Variants in SLC16A7 observed in about 807,000 individuals in gnomAD.
SLC16A7 encodes monocarboxylate transporter 2.
Under a neutral mutation model 34.9 loss-of-function variants are expected in SLC16A7, and 33 were observed. The observed-to-expected ratio is 0.94, with a 90% CI of 0.72 to 1.26. The LOEUF (loss-of-function observed/expected upper bound fraction) is 1.26, where lower values mean the gene tolerates loss of function less well. SLC16A7 is among the 50% of genes most tolerant of loss of function. SLC16A7 has a pLI of 0.00. For missense variants in SLC16A7, 573 were observed against 578.1 expected, an observed-to-expected ratio of 0.99 and a Z score of 0.09; for synonymous variants, 201 against 206.6, an observed-to-expected ratio of 0.97 and a Z score of 0.23.
intron 1 of SLC16A7, among the ~76,000 whole-genome samples, chr12:59,612,005 G>A (rs1051525795): frequency 6.6e-6 from 1 of 152,220 alleles, no homozygotes; most frequent in Admixed American, 6.5e-5. Context: ...GGTGCAAGCT[G>A]TCAGTGGATC....
chr12:59,744,256 C>T (rs1344420995), intron 3 of SLC16A7, among the ~76,000 whole-genome samples: 2 of 152,088 alleles, frequency 1.3e-5, no homozygotes, highest in African/African-American at 4.8e-5. Context: ...CCCCACCCAG[C>T]ACCCCCATCC....
chr12:59,663,115 C>T (rs1014275831), intron 2 of SLC16A7, among the ~76,000 whole-genome samples: 22 of 151,894 alleles, frequency 1.4e-4, no homozygotes, highest in African/African-American at 5.3e-4. Context: ...ATTCAAATTC[C>T]TGTCAATTTT....
Position 59,780,822 on chromosome 12 carries a change from C to T in SLC16A7, c.*1143C>T, listed in dbSNP as rs1051378539. On this transcript the variant is annotated 3_prime_UTR_variant, in exon 6 of 6. Transcript: ENST00000547379. The stretch of plus-strand genomic sequence containing the variant: ...GTGGTTTTAATGAACCCTCTAAGCT[C>T]TCTCAGTTCCTTCCCTTCCACAAAA... The T allele has an allele frequency of 1.3e-5, 2 of 152,150 alleles. No homozygotes were observed. The highest frequency in any genetic ancestry group is 1.3e-4 in the Admixed American group (2 of 15,248). The allele number at this position is 152,150 out of a possible 1,614,324, so 9.4% of individuals were successfully genotyped here.
chr12:59,747,673 G>A (rs973167908), intron 3 of SLC16A7, among the ~76,000 whole-genome samples: 1 of 152,194 alleles, frequency 6.6e-6, no homozygotes, highest in African/African-American at 2.4e-5. Context: ...TCCATTTGCA[G>A]ACTCTAACCA....
chr12:59,783,829 T>C lies in SLC16A7; in HGVS notation c.*4150T>C, dbSNP rs1340826944. ...ACCATGCCCGGCTAATTTTGTGGCT[T>C]TTTTTGTTTTGTTTTGTTTTGTTTT... is the stretch of plus-strand genomic sequence containing the variant. On this transcript the variant is annotated 3_prime_UTR_variant, in exon 6 of 6. Transcript: ENST00000547379. 1 of 152,252 alleles carries C rather than the reference T, an allele frequency of 6.6e-6. No homozygotes were observed. The highest frequency in any genetic ancestry group is 6.6e-5 in the Admixed American group (1 of 15,262). 9.4% of individuals were successfully genotyped at this position (152,252 alleles called of 1,614,324 possible). A position where few individuals can be genotyped will look rare whatever the true frequency, so the allele number is the denominator to read the frequency against.
chr12:59,740,455 G>C (rs994950113), intron 3 of SLC16A7, among the ~76,000 whole-genome samples: 20 of 152,268 alleles, frequency 1.3e-4, no homozygotes, highest in East Asian at 3.9e-4. Context: ...TAGCCTTGTA[G>C]TATAGTTTGA....
intron 3 of SLC16A7, among the ~76,000 whole-genome samples, chr12:59,738,102 T>C (rs1212277545): frequency 2.6e-5 from 4 of 152,118 alleles, no homozygotes; most frequent in Non-Finnish European, 5.9e-5. Context: ...ATTGTACTTA[T>C]AAAAAATGTA....
intron 2 of SLC16A7, among the ~76,000 whole-genome samples, chr12:59,674,070 C>T (rs1248469512): frequency 6.6e-6 from 1 of 152,116 alleles, no homozygotes; most frequent in African/African-American, 2.4e-5. Context: ...TCCCTAATAA[C>T]CTAAACCTTA....
chr12:59,775,591 T>C, intron 5 of SLC16A7, 116 bp downstream of exon 5: 2 of 702,860 alleles, frequency 2.8e-6, no homozygotes, highest in South Asian at 4.4e-5. Context: ...CCTGAAGGAA[T>C]ATGGGCAGGT....
At chr12:59,660,256 A>G (rs1868773040) in intron 2 of SLC16A7, among the ~76,000 whole-genome samples, 1 of 152,068 alleles carries the variant, frequency 6.6e-6, no homozygotes. Flanking sequence ...GGCCTTTCAC[A>G]ATGCCAGTCC....
At chr12:59,710,004 T>A (rs1404963976) in intron 3 of SLC16A7, among the ~76,000 whole-genome samples, 1 of 151,676 alleles carries the variant, frequency 6.6e-6, no homozygotes, top group Non-Finnish European at 1.5e-5. Flanking sequence ...ATTACAAACA[T>A]GAGGGCTTGG....
intron 4 of SLC16A7, 110 bp from the exon 5 acceptor site, chr12:59,774,547 C>T (rs191000005): frequency 3.5e-5 from 22 of 625,334 alleles, no homozygotes; most frequent in Admixed American, 2.3e-4. Context: ...TATGATATTG[C>T]GTTTTTAATT....
At chr12:59,639,118 A>C (rs1880559909) in intron 1 of SLC16A7, among the ~76,000 whole-genome samples, 1 of 152,114 alleles carries the variant, frequency 6.6e-6, no homozygotes, top group South Asian at 2.1e-4. Context: ...TGTTACCATC[A>C]TTCTTTGGCT....
chr12:59,673,272 G>T (rs1360840425), intron 2 of SLC16A7, among the ~76,000 whole-genome samples: 1 of 151,954 alleles, frequency 6.6e-6, no homozygotes, highest in East Asian at 1.9e-4. Flanking sequence ...TTGATGAATT[G>T]GTTTTGGCAT....
chr12:59,622,735 A>G (rs530618167), intron 1 of SLC16A7, among the ~76,000 whole-genome samples: 1 of 151,942 alleles, frequency 6.6e-6, no homozygotes, highest in South Asian at 2.1e-4. Flanking sequence ...TTTATATTTG[A>G]CAATATCCAA....
At chr12:59,730,338 T>C (rs1456039134) in intron 3 of SLC16A7, among the ~76,000 whole-genome samples, 1 of 125,646 alleles carries the variant, frequency 8.0e-6, no homozygotes, top group Non-Finnish European at 1.6e-5. Flanking sequence ...AGGGTATGCT[T>C]CCTAAAATTA....
chr12:59,637,625 T>C (rs1481145866), intron 1 of SLC16A7, among the ~76,000 whole-genome samples: 1 of 152,138 alleles, frequency 6.6e-6, no homozygotes, highest in Non-Finnish European at 1.5e-5. Flanking sequence ...CAAAGTTTTA[T>C]GTGATATGGG....
At chr12:59,695,376 T>G (rs1244935257) in intron 2 of SLC16A7, among the ~76,000 whole-genome samples, 2 of 151,932 alleles carry the variant, frequency 1.3e-5, no homozygotes, top group African/African-American at 4.8e-5. Context: ...CACCGATGGG[T>G]CCGAAGCCTC....
intron 1 of SLC16A7, among the ~76,000 whole-genome samples, chr12:59,637,313 T>C (rs929440089): frequency 6.6e-6 from 1 of 152,118 alleles, no homozygotes; most frequent in African/African-American, 2.4e-5. Context: ...CAAAAGAAAC[T>C]GGTAAAATGC....
Sources: allele counts gnomAD v4.1 joint callset (sites outside exome capture counted in the v4.1 genomes callset), GRCh38; gene constraint gnomAD v4.1.1; transcripts MANE v1.5; gene names NCBI Gene and HGNC (gene_info 2026-07-23, HGNC 2026-07-21).